RPUSD3: variants seen among roughly 807,000 people sequenced by gnomAD.
RPUSD3 encodes the protein mitochondrial mRNA pseudouridine synthase RPUSD3.
In RPUSD3, 36 loss-of-function variants were observed where a neutral mutation model predicts 35.1. The observed-to-expected ratio is 1.02, with a 90% CI of 0.79 to 1.35. RPUSD3 has a LOEUF of 1.35. Among genes scored for constraint, RPUSD3 ranks in the 40% most tolerant of loss-of-function variants. The pLI, the probability that RPUSD3 is intolerant of heterozygous loss-of-function variation, is 0.00. For synonymous variants in RPUSD3, 202 were observed against 187.8 expected (o/e 1.08, Z -0.62); for missense variants, 486 against 441.9 (o/e 1.10, Z -0.89).
chr3:9,838,222 G>A lies in RPUSD3; in HGVS notation c.865-15C>T, dbSNP rs980399756. On this transcript the variant is annotated splice_polypyrimidine_tract_variant and intron_variant, in intron 8 of 8. Coordinates refer to ENST00000383820, the Ensembl canonical transcript of RPUSD3. ...TCATCCAGGACCTGGAGCGGGAGAG[G>A]TACGTTGTGTTCAGCCCCACATTTT... 2 of 1,611,298 alleles carry A rather than the reference G, an allele frequency of 1.2e-6. No homozygotes were observed. The highest frequency in any genetic ancestry group is 1.1e-5 in the South Asian group (1 of 90,960).
At chr3:9,840,268 C>G (rs1321208949) in exon 7 of RPUSD3, 30 of 1,614,064 alleles carry the variant, frequency 1.9e-5, no homozygotes, top group Non-Finnish European at 2.5e-5. Flanking sequence ...TTGACACCTT[C>G]CAGGATGTCC....
At position 9,842,235 on chromosome 3, in the gene RPUSD3, C is replaced by G; in HGVS notation, c.271G>C (p.Val91Leu). The change falls in exon 3 of 9, where the codon GTG becomes CTG. Residue 91 changes from valine (V) to leucine (L), a missense_variant. Val to Leu is a conservative substitution (Grantham distance 32). Coordinates refer to ENST00000383820, the Ensembl canonical transcript of RPUSD3. ...AGACCCTGTGGCTTGTTCAACGTCACTAGAGGTCCTGAAACATACATCACA... is the reference window on the plus strand; with the variant it reads ...AGACCCTGTGGCTTGTTCAACGTCAGTAGAGGTCCTGAAACATACATCACA... 6.2e-7 allele frequency: 1 copy of G among 1,614,214 alleles called. No homozygotes were observed. The highest frequency in any genetic ancestry group is 8.5e-7 in the Non-Finnish European group (1 of 1,180,038).
intron 7 of RPUSD3, 36 bp from the exon 8 acceptor site, chr3:9,839,207 G>A: frequency 6.3e-7 from 1 of 1,589,556 alleles, no homozygotes; most frequent in Non-Finnish European, 8.6e-7. Context: ...ACAGTGGGCA[G>A]CTACTCGTTC....
Position 9,838,206 on chromosome 3 carries a change from A to T in RPUSD3, c.866T>A (p.Val289Asp), listed in dbSNP as rs369448971. 1.0e-4 allele frequency: 165 copies of T among 1,611,848 alleles called. 1 individual carries two copies. The highest frequency in any genetic ancestry group is 6.8e-4 in the Middle Eastern group (3 of 4,434). Reference sequence around the variant, plus strand: ...GCGTCTGAGGAGGGCTTCATCCAGGACCTGGAGCGGGAGAGGTACGTTGTG... The same window carrying T: ...GCGTCTGAGGAGGGCTTCATCCAGGTCCTGGAGCGGGAGAGGTACGTTGTG... The change falls in exon 9 of 9, where the codon GTC becomes GAC. Residue 289 changes from valine to aspartate, a missense_variant and splice_region_variant. Transcript: ENST00000383820.
rs927327220 is a variant in RPUSD3 at position 9,840,921 on chromosome 3, C to A, written c.408-116G>T. ...CAAACACTAACACCAGGACTATAAC[C>A]TAGACCAACTCCTGAGAAACAAGTA... On this transcript the variant is annotated intron_variant, in intron 4 of 8. Coordinates refer to ENST00000383820, the Ensembl canonical transcript of RPUSD3. The A allele has an allele frequency of 2.4e-5, 15 of 634,790 alleles. No homozygotes were observed. The East Asian group carries it at 4.2e-4, about 18-fold the overall frequency. 39.3% of individuals were successfully genotyped at this position (634,790 alleles called of 1,614,324 possible).
rs747103866 is a variant in RPUSD3 at position 9,841,969 on chromosome 3, C to T, written c.407+14G>A. On this transcript the variant is annotated intron_variant, in intron 4 of 8. Transcript: ENST00000383820. ...TGCCTGTACTCCTAGCTTCCTGTCA[C>T]CCCTACCACTTACTTCCCAGATGCT... 8 of 1,610,572 alleles carry T rather than the reference C, an allele frequency of 5.0e-6. No homozygotes were observed. Among genetic ancestry groups the T allele is most frequent in the Non-Finnish European group, 6.8e-6 (8 of 1,176,872 alleles).
At chr3:9,842,369 T>A in intron 2 of RPUSD3, 126 bp from the exon 3 acceptor site, 1 of 910,028 alleles carries the variant, frequency 1.1e-6, no homozygotes, top group Non-Finnish European at 1.8e-6. Context: ...CAGACATGAG[T>A]TAACTACCCC....
intron 1 of RPUSD3, 24 bp from the exon 2 acceptor site, chr3:9,843,625 G>A: frequency 2.5e-6 from 4 of 1,612,480 alleles, no homozygotes; most frequent in Non-Finnish European, 3.4e-6. Flanking sequence ...GAGAAGCAAT[G>A]GGAGTCATTC....
intron 1 of RPUSD3, 60 bp from the exon 2 acceptor site, chr3:9,843,661 T>C: frequency 6.3e-7 from 1 of 1,587,460 alleles, no homozygotes; most frequent in Non-Finnish European, 8.6e-7. Flanking sequence ...CCCATTCCTA[T>C]CTCCGGACGC....
chr3:9,839,232 TCA>T, intron 7 of RPUSD3, 61 bp from the exon 8 acceptor site: 1 of 1,560,456 alleles, frequency 6.4e-7, no homozygotes, highest in South Asian at 1.2e-5. Context: ...CCACCCAGTA[TCA>T]CTCCTCCCCT....
intron 4 of RPUSD3, 34 bp downstream of exon 4, chr3:9,841,949 G>C (rs553499876): frequency 1.3e-6 from 2 of 1,564,856 alleles, no homozygotes; most frequent in Admixed American, 1.7e-5. Flanking sequence ...ATGGATGCCT[G>C]TACTCCTAGC....
At chr3:9,838,905 C>A in intron 8 of RPUSD3, 127 bp downstream of exon 8, 4 of 1,294,724 alleles carry the variant, frequency 3.1e-6, no homozygotes, top group South Asian at 2.7e-5. Flanking sequence ...GGTACGGATA[C>A]AGCCTTGGGA....
exon 9 of RPUSD3, chr3:9,838,100 G>C (rs1467187072): frequency 1.2e-6 from 2 of 1,612,656 alleles, no homozygotes; most frequent in South Asian, 2.2e-5. Context: ...GGGTGTCCCT[G>C]GCCCTGGTGC....
Position 9,840,152 on chromosome 3 carries a change from G to A in RPUSD3, c.724+32C>T, listed in dbSNP as rs764638282. 4.4e-6 allele frequency: 7 copies of A among 1,601,582 alleles called. No individual in the cohort carries two copies. In the East Asian group the frequency reaches 1.6e-4, roughly 36 times the overall value. The stretch of plus-strand genomic sequence containing the variant: ...GCCTCAGCCTCCCAAATCAAGTGCA[G>A]TTTTAAAGGCTGGCTAGGGTGCCAG... On this transcript the variant is annotated intron_variant, in intron 7 of 8. Transcript: ENST00000383820.
In RPUSD3 at chr3:9,843,461, T is replaced by A. The variant is rs2082132553; in HGVS notation, c.262+4A>T. On this transcript the variant is annotated splice_donor_region_variant and intron_variant, in intron 2 of 8. Transcript: ENST00000383820. ...CTTGTGCGGCCGTGCCTCTCACCCC[T>A]CACCTTTCCGGTCCACCACGGCTGC... The A allele has an allele frequency of 1.2e-6, 2 of 1,613,624 alleles. No homozygotes were observed.
At position 9,838,220 on chromosome 3, in the gene RPUSD3, A is replaced by T; in HGVS notation, c.865-13T>A. 1 of 1,611,494 alleles carries T rather than the reference A, an allele frequency of 6.2e-7. No homozygotes were observed. Among genetic ancestry groups the T allele is most frequent in the Non-Finnish European group, 8.5e-7 (1 of 1,179,582 alleles). The stretch of plus-strand genomic sequence containing the variant: ...CTTCATCCAGGACCTGGAGCGGGAG[A>T]GGTACGTTGTGTTCAGCCCCACATT... On this transcript the variant is annotated splice_polypyrimidine_tract_variant and intron_variant, in intron 8 of 8. Transcript: ENST00000383820.
Position 9,843,873 on chromosome 3 carries a change from A to AG in RPUSD3, c.125+16dup. On this transcript the variant is annotated intron_variant, in intron 1 of 8. Transcript: ENST00000383820. ...CCCTAGCCTCCGTCCCGCATGAGAG[A>AG]GGGGGTACTTAATCACCGGGCTTCG... The AG allele has an allele frequency of 6.3e-7, 1 of 1,597,064 alleles. No homozygotes were observed. The highest frequency in any genetic ancestry group is 8.5e-7 in the Non-Finnish European group (1 of 1,172,436).
At chr3:9,838,730 T>TGG (rs2082060572) in intron 8 of RPUSD3, among the ~76,000 whole-genome samples, 1 of 152,206 alleles carries the variant, frequency 6.6e-6, no homozygotes, top group Non-Finnish European at 1.5e-5. Flanking sequence ...AGGCATCTGG[T>TGG]GTCCTAATAC....
chr3:9,842,295 C>T lies in RPUSD3; in HGVS notation c.263-52G>A, dbSNP rs890505467. 39 of 1,570,782 alleles carry T rather than the reference C, an allele frequency of 2.5e-5. No homozygotes were observed. The Middle Eastern group carries it at 8.3e-4, about 34-fold the overall frequency. On this transcript the variant is annotated intron_variant, in intron 2 of 8. Transcript: ENST00000383820. ...GCAAAAGCAACGGTAACCCTTTATGCAGCACTAAAGAGTTTCCAGAGCACT... is the reference window on the plus strand; with the variant it reads ...GCAAAAGCAACGGTAACCCTTTATGTAGCACTAAAGAGTTTCCAGAGCACT...
Sources: allele counts gnomAD v4.1 joint callset (sites outside exome capture counted in the v4.1 genomes callset), GRCh38; gene constraint gnomAD v4.1.1; transcripts MANE v1.5; gene names NCBI Gene and HGNC (gene_info 2026-07-23, HGNC 2026-07-21).